Variants in CFDP1 observed in about 807,000 individuals in gnomAD.
The protein encoded by CFDP1 is chromatin remodeling protein CFDP1, also known as heterochromatin-stabilizing protein CFDP1.
A neutral mutation model predicts 40.1 loss-of-function variants in CFDP1; 31 were observed. That is an observed-to-expected ratio of 0.77 (90% confidence interval 0.58 to 1.04). The LOEUF (loss-of-function observed/expected upper bound fraction) is 1.04, where lower values mean the gene tolerates loss of function less well. Among genes scored for constraint, CFDP1 ranks in the 50% least tolerant of loss-of-function variants. CFDP1 has a pLI of 0.00. For synonymous variants in CFDP1, 167 were observed against 120.0 expected, an observed-to-expected ratio of 1.39 and a Z score of -2.56; for missense variants, 423 against 343.4, an observed-to-expected ratio of 1.23 and a Z score of -1.83.
intron 5 of CFDP1, among the ~76,000 whole-genome samples, chr16:75,384,427 C>T (rs748685756): frequency 6.6e-6 from 1 of 152,108 alleles, no homozygotes; most frequent in African/African-American, 2.4e-5. Context: ...TATAAAGATA[C>T]AGTTACTACA....
intron 1 of CFDP1, 122 bp downstream of exon 1, chr16:75,433,167 C>A (rs1366736208): frequency 1.1e-6 from 1 of 878,278 alleles, no homozygotes; most frequent in Admixed American, 2.6e-5. Flanking sequence ...AGCGGACGCT[C>A]GAGAACAGGA....
At chr16:75,324,743 A>G in intron 5 of CFDP1, 1 of 8,684 alleles carries the variant, frequency 1.2e-4, no homozygotes, top group African/African-American at 3.0e-4. Context: ...ACTTTGTCTT[A>G]AAAAAAAAAA....
At chr16:75,308,291 G>A (rs983076293) in intron 5 of CFDP1, among the ~76,000 whole-genome samples, 1 of 152,146 alleles carries the variant, frequency 6.6e-6, no homozygotes, top group Non-Finnish European at 1.5e-5. Context: ...TCGTGGCCTT[G>A]GAATTGTACT....
At chr16:75,334,761 C>T (rs118072302) in intron 5 of CFDP1, among the ~76,000 whole-genome samples, 1 of 152,062 alleles carries the variant, frequency 6.6e-6, no homozygotes, top group African/African-American at 2.4e-5. Flanking sequence ...TCAGGACCAA[C>T]CTGGCCAACA....
intron 5 of CFDP1, among the ~76,000 whole-genome samples, chr16:75,391,837 C>T (rs888627175): frequency 1.3e-5 from 2 of 151,860 alleles, no homozygotes; most frequent in Admixed American, 6.6e-5. Flanking sequence ...GGTGTGGTGG[C>T]GGGCGCCTGT....
chr16:75,384,036 TAA>T lies in CFDP1; in HGVS notation c.650+11052_650+11053del, dbSNP rs2078872804. Among the ~76,000 whole-genome samples the T allele has an allele frequency of 2.6e-5, 4 of 152,160 alleles. No individual in the cohort carries two copies. In the South Asian group the frequency reaches 8.3e-4, roughly 31 times the overall value. On this transcript the variant is annotated intron_variant, in intron 5 of 6. Transcript: ENST00000283882. ...AATACACAAAATAATATTAGTTTAATAAAAAGTCTGTTTTGGTAACAGTTTTC... is the reference window on the plus strand; with the variant it reads ...AATACACAAAATAATATTAGTTTAATAAAGTCTGTTTTGGTAACAGTTTTC...
At chr16:75,425,390 C>CCCCAA (rs2079327652) in intron 1 of CFDP1, among the ~76,000 whole-genome samples, 1 of 99,048 alleles carries the variant, frequency 1.0e-5, no homozygotes, top group Non-Finnish European at 1.9e-5. Context: ...CCATCCCCCT[C>CCCCAA]AAAAAAAAAA....
At chr16:75,381,077 C>A in intron 5 of CFDP1, 1 of 152,174 alleles carries the variant, frequency 6.6e-6, no homozygotes, top group East Asian at 1.9e-4. Context: ...TGACTACAGA[C>A]TTTATGTAAA....
chr16:75,392,008 G>A (rs1474027286), intron 5 of CFDP1, among the ~76,000 whole-genome samples: 1 of 151,848 alleles, frequency 6.6e-6, no homozygotes. Context: ...TAAAGCTACT[G>A]GTCTGAAGAG....
intron 5 of CFDP1, among the ~76,000 whole-genome samples, chr16:75,352,736 C>T (rs971465635): frequency 2.0e-5 from 3 of 152,122 alleles, no homozygotes; most frequent in Non-Finnish European, 4.4e-5. Flanking sequence ...CTGGTTTTCA[C>T]TTCCAGTACA....
At chr16:75,430,328 C>A (rs1258604274) in intron 1 of CFDP1, among the ~76,000 whole-genome samples, 1 of 152,094 alleles carries the variant, frequency 6.6e-6, no homozygotes, top group African/African-American at 2.4e-5. Flanking sequence ...CGCCACCACA[C>A]CCAGCTATTT....
chr16:75,395,004 G>A (rs1185036128), intron 5 of CFDP1, 86 bp downstream of exon 5: 5 of 1,510,032 alleles, frequency 3.3e-6, no homozygotes, highest in East Asian at 2.3e-5. Context: ...CAGGCAAGGA[G>A]TCTGATCTGC....
At chr16:75,425,599 C>T (rs540358937) in intron 1 of CFDP1, among the ~76,000 whole-genome samples, 3 of 147,530 alleles carry the variant, frequency 2.0e-5, no homozygotes, top group Non-Finnish European at 4.5e-5. Flanking sequence ...AAAGGGAATT[C>T]GATGGAGAAA....
intron 5 of CFDP1, among the ~76,000 whole-genome samples, chr16:75,339,870 TA>T (rs2078514766): frequency 6.6e-6 from 1 of 152,188 alleles, no homozygotes; most frequent in East Asian, 1.9e-4. Context: ...AAGGATCTTA[TA>T]GTGGAAGACA....
At chr16:75,408,190 T>A (rs2079120946) in intron 4 of CFDP1, among the ~76,000 whole-genome samples, 1 of 152,044 alleles carries the variant, frequency 6.6e-6, no homozygotes. Flanking sequence ...ACATCTTTTA[T>A]CCAGATTCAT....
chr16:75,411,984 C>G, intron 3 of CFDP1, 32 bp from the exon 4 acceptor site: 1 of 1,571,132 alleles, frequency 6.4e-7, no homozygotes, highest in South Asian at 1.2e-5. Flanking sequence ...TAATGTTTCA[C>G]CAAAAGATGA....
intron 6 of CFDP1, among the ~76,000 whole-genome samples, chr16:75,294,676 T>C (rs1477435408): frequency 1.3e-5 from 2 of 152,190 alleles, no homozygotes; most frequent in Non-Finnish European, 2.9e-5. Context: ...CTCCGCAGTA[T>C]CCTCCACCCT....
intron 6 of CFDP1, among the ~76,000 whole-genome samples, chr16:75,304,430 C>G (rs752777420): frequency 1.3e-5 from 2 of 152,158 alleles, no homozygotes; most frequent in Non-Finnish European, 2.9e-5. Context: ...GGAAAGGACC[C>G]TTTTTACAAC....
At chr16:75,394,438 A>G (rs2078979040) in intron 5 of CFDP1, among the ~76,000 whole-genome samples, 1 of 152,208 alleles carries the variant, frequency 6.6e-6, no homozygotes, top group African/African-American at 2.4e-5. Flanking sequence ...CTATTTGTAA[A>G]TCATCTTTGA....
Sources: gnomAD v4.1 joint callset for allele counts (sites outside exome capture counted in the v4.1 genomes callset) on GRCh38, gnomAD v4.1.1 for gene constraint, MANE v1.5 for transcripts, NCBI Gene and HGNC (gene_info 2026-07-23, HGNC 2026-07-21) for gene names.